CWC27: variants seen among roughly 807,000 people sequenced by gnomAD.
The protein encoded by CWC27 is CWC27 spliceosome associated cyclophilin.
CWC27 carries 47 observed loss-of-function variants against 63.6 expected under a neutral mutation model. That is an observed-to-expected ratio of 0.74 (90% CI 0.58 to 0.94). The LOEUF (loss-of-function observed/expected upper bound fraction) is 0.94, where lower values mean the gene tolerates loss of function less well. CWC27 is among the 40% of genes least tolerant of loss of function. The probability of loss-of-function intolerance (pLI) is 0.00; values close to 1 mark genes in which losing one functional copy is unlikely to be tolerated. For missense variants in CWC27, 495 were observed against 554.3 expected, an observed-to-expected ratio of 0.89 and a Z score of 1.07; for synonymous variants, 175 against 179.8, an observed-to-expected ratio of 0.97 and a Z score of 0.22.
rs1249622033 is a variant in CWC27, at chr5:64,781,928, T to C, written c.147T>C (p.Tyr49=). 1.3e-6 allele frequency: 2 copies of C among 1,550,890 alleles called. No homozygotes were observed. The highest frequency in any genetic ancestry group is 1.7e-5 in the Admixed American group (1 of 57,848). Residue 49 remains tyrosine, a synonymous_variant, in exon 3 of 14, where the codon TAT becomes TAC. Transcript: ENST00000381070. ...TTTTTATTTTTTTTTCAGCTTATTA[T>C]GACAATACCATTTTTCATAGAGTTG... The part of the protein sequence containing the change: ...NFIQLCLEAY[Y]DNTIFHRVVP...
chr5:64,770,711 C>T (rs945490915), intron 1 of CWC27, among the ~76,000 whole-genome samples: 2 of 152,086 alleles, frequency 1.3e-5, no homozygotes, highest in African/African-American at 2.4e-5. Flanking sequence ...AGAAGGAGTT[C>T]AGATAGGTAT....
chr5:64,949,251 A>T (rs1330322148), intron 11 of CWC27, among the ~76,000 whole-genome samples: 1 of 151,932 alleles, frequency 6.6e-6, no homozygotes, highest in Non-Finnish European at 1.5e-5. Context: ...TGTTAATGGG[A>T]GCTTAGTGTT....
At chr5:65,003,948 G>A (rs1053167585) in intron 13 of CWC27, among the ~76,000 whole-genome samples, 3 of 151,670 alleles carry the variant, frequency 2.0e-5, no homozygotes, top group Non-Finnish European at 2.9e-5. Context: ...CAGCTCAAGC[G>A]ATTCTCGTAC....
At chr5:64,854,999 T>C (rs199949656) in intron 10 of CWC27, among the ~76,000 whole-genome samples, 70 of 152,326 alleles carry the variant, frequency 4.6e-4, no homozygotes, top group African/African-American at 1.7e-3. Context: ...TTGTGTTGTT[T>C]ACTTTTTCTC....
intron 10 of CWC27, among the ~76,000 whole-genome samples, chr5:64,880,735 A>G (rs1746913495): frequency 6.6e-6 from 1 of 151,970 alleles, no homozygotes; most frequent in Non-Finnish European, 1.5e-5. Flanking sequence ...AATATATTCA[A>G]TACAGAAATA....
chr5:64,914,421 G>A (rs1323955602), intron 11 of CWC27, among the ~76,000 whole-genome samples: 1 of 152,062 alleles, frequency 6.6e-6, no homozygotes, highest in Non-Finnish European at 1.5e-5. Context: ...TATCTAAAGA[G>A]TGATTATTAA....
intron 11 of CWC27, 78 bp from the exon 12 acceptor site, chr5:64,971,625 C>T (rs1332910921): frequency 1.3e-5 from 15 of 1,125,966 alleles, no homozygotes; most frequent in Non-Finnish European, 1.7e-5. Context: ...TCCTCTTCAG[C>T]AACAGGAGCA....
chr5:64,832,986 A>G (rs1745568877), intron 10 of CWC27, among the ~76,000 whole-genome samples: 1 of 151,782 alleles, frequency 6.6e-6, no homozygotes, highest in Non-Finnish European at 1.5e-5. Flanking sequence ...GAGCTATGAA[A>G]TCTAGAGATC....
At chr5:64,789,269 T>C (rs1166759692) in intron 7 of CWC27, among the ~76,000 whole-genome samples, 1 of 152,134 alleles carries the variant, frequency 6.6e-6, no homozygotes, top group Non-Finnish European at 1.5e-5. Context: ...TTTTGAATGG[T>C]TGGACTTTAT....
At chr5:64,916,031 T>C (rs1331539654) in intron 11 of CWC27, among the ~76,000 whole-genome samples, 1 of 152,210 alleles carries the variant, frequency 6.6e-6, no homozygotes, top group Non-Finnish European at 1.5e-5. Context: ...ATCTCACTGA[T>C]TGAGAAAGAG....
intron 10 of CWC27, among the ~76,000 whole-genome samples, chr5:64,860,517 G>A (rs1021806478): frequency 2.6e-5 from 4 of 152,062 alleles, no homozygotes; most frequent in Non-Finnish European, 5.9e-5. Flanking sequence ...AGATTTTCTG[G>A]TTAGATTTTC....
intron 11 of CWC27, among the ~76,000 whole-genome samples, chr5:64,908,617 GATC>G (rs1747715029): frequency 6.6e-6 from 1 of 152,174 alleles, no homozygotes; most frequent in South Asian, 2.1e-4. Flanking sequence ...TTATTGAATT[GATC>G]CCTTTACCAC....
rs1008295328 is a variant in CWC27 at position 64,845,044 on chromosome 5, G to A, written c.939-40399G>A. On this transcript the variant is annotated intron_variant, in intron 10 of 13. Coordinates refer to ENST00000381070, the MANE Select transcript of CWC27 (RefSeq NM_005869.4). ...ACTGGCCTGATGAGAAGCCATCACA[G>A]TTTCTAGCCATTAACTCTGCCTAAT... 6.6e-6 allele frequency: 3 copies of A among 456,598 alleles called. No individual in the cohort carries two copies. The Admixed American group carries it at 7.0e-5, about 11-fold the overall frequency. The allele number at this position is 456,598 out of a possible 1,614,324, so 28.3% of individuals were successfully genotyped here.
chr5:64,802,184 A>G (rs1561413693), intron 9 of CWC27, among the ~76,000 whole-genome samples: 1 of 152,234 alleles, frequency 6.6e-6, no homozygotes. Flanking sequence ...AGGAGAGATC[A>G]TACCTTATTT....
chr5:64,870,348 C>T (rs1025052987), intron 10 of CWC27, among the ~76,000 whole-genome samples: 1 of 151,962 alleles, frequency 6.6e-6, no homozygotes, highest in Non-Finnish European at 1.5e-5. Flanking sequence ...AATAAAAAAT[C>T]TGTGTTGCAT....
chr5:64,840,378 AAAAAAAAAAAAAAAAAATATATAT>A (rs1745778461), intron 10 of CWC27, among the ~76,000 whole-genome samples: 1 of 67,188 alleles, frequency 1.5e-5, no homozygotes, highest in African/African-American at 6.5e-5. Flanking sequence ...AAAAAAAAAA[AAAAAAAAAAAAAAAAAATATATAT>A]ATATATATAT....
chr5:64,856,083 T>G (rs1342865318), intron 10 of CWC27, among the ~76,000 whole-genome samples: 2 of 151,790 alleles, frequency 1.3e-5, no homozygotes, highest in Non-Finnish European at 2.9e-5. Flanking sequence ...TTTTGTGGAG[T>G]TTTTAAGATG....
intron 13 of CWC27, among the ~76,000 whole-genome samples, chr5:64,997,086 T>A (rs181063955): frequency 6.6e-6 from 1 of 152,298 alleles, no homozygotes; most frequent in Admixed American, 6.5e-5. Flanking sequence ...TCTGTATTAT[T>A]TGAAGAATTA....
In CWC27 at chr5:64,901,030, G is replaced by A. The variant is rs1747491753; in HGVS notation, c.1042+15484G>A. 2.0e-5 allele frequency among the ~76,000 whole-genome samples: 3 copies of A among 151,678 alleles called. No homozygotes were observed. The South Asian group carries it at 6.3e-4, about 32-fold the overall frequency. On this transcript the variant is annotated intron_variant, in intron 11 of 13. Transcript: ENST00000381070. Reference sequence around the variant, plus strand: ...TTTTTTAGCTCATCAGCTATCATTAGTGTTAGCATATTTTATGTATGGCCC... The same window carrying A: ...TTTTTTAGCTCATCAGCTATCATTAATGTTAGCATATTTTATGTATGGCCC...
Sources: allele counts gnomAD v4.1 joint callset (sites outside exome capture counted in the v4.1 genomes callset), GRCh38; gene constraint gnomAD v4.1.1; transcripts MANE v1.5; gene names NCBI Gene and HGNC (gene_info 2026-07-23, HGNC 2026-07-21).